Variants in DNM3 observed in about 807,000 individuals in gnomAD.
DNM3 encodes dynamin-3.
In DNM3, 47 loss-of-function variants were observed where a neutral mutation model predicts 101.6. The observed-to-expected ratio is 0.46, with a 90% confidence interval of 0.37 to 0.59. The LOEUF (loss-of-function observed/expected upper bound fraction) is 0.59, where lower values mean the gene tolerates loss of function less well. Ranked by LOEUF, DNM3 falls within the 20% of genes least tolerant of loss-of-function variation. The probability of loss-of-function intolerance (pLI) is 0.00; values close to 1 mark genes in which losing one functional copy is unlikely to be tolerated. For synonymous variants in DNM3, 385 were observed against 387.9 expected (o/e 0.99, Z 0.09); for missense variants, 849 against 1,085.7 (o/e 0.78, Z 3.06).
chr1:172,201,922 G>A (rs2060167935), intron 14 of DNM3, among the ~76,000 whole-genome samples: 1 of 152,170 alleles, frequency 6.6e-6, no homozygotes, highest in African/African-American at 2.4e-5. Flanking sequence ...CCAATTTCTA[G>A]TTGCCTTGGA....
chr1:172,409,873 T>C lies in DNM3; in HGVS notation c.*2032T>C, dbSNP rs373735656. ...TTGCTGTATTTCAAAATTTTCCTTCTGTTAAAGGAAAATATTGTGAATAAC... is the reference window on the plus strand; with the variant it reads ...TTGCTGTATTTCAAAATTTTCCTTCCGTTAAAGGAAAATATTGTGAATAAC... On this transcript the variant is annotated 3_prime_UTR_variant, in exon 21 of 21. Coordinates refer to ENST00000627582, the MANE Select transcript of DNM3 (RefSeq NM_015569.5). 1.0e-6 allele frequency: 1 copy of C among 985,800 alleles called. No homozygotes were observed. 61.1% of individuals were successfully genotyped at this position (985,800 alleles called of 1,614,324 possible).
intron 11 of DNM3, among the ~76,000 whole-genome samples, chr1:172,073,868 C>T (rs2052419099): frequency 6.6e-6 from 1 of 152,176 alleles, no homozygotes; most frequent in Admixed American, 6.5e-5. Context: ...TTTTGAATAT[C>T]TCTGGTATAA....
At chr1:172,377,081 A>T (rs1205809212) in intron 17 of DNM3, among the ~76,000 whole-genome samples, 1 of 151,934 alleles carries the variant, frequency 6.6e-6, no homozygotes, top group Non-Finnish European at 1.5e-5. Flanking sequence ...CCTTTAGCTC[A>T]ATTATTTATT....
At chr1:171,997,664 C>A (rs954440529) in intron 4 of DNM3, among the ~76,000 whole-genome samples, 3 of 152,116 alleles carry the variant, frequency 2.0e-5, no homozygotes, top group Non-Finnish European at 2.9e-5. Flanking sequence ...TAATTTGTTG[C>A]TTAAAAGACA....
At chr1:172,208,049 G>T (rs1480040290) in intron 14 of DNM3, among the ~76,000 whole-genome samples, 1 of 151,844 alleles carries the variant, frequency 6.6e-6, no homozygotes, top group African/African-American at 2.4e-5. Context: ...ATCCTTGCTT[G>T]TCCAAAGAGT....
intron 1 of DNM3, among the ~76,000 whole-genome samples, chr1:171,878,678 T>C (rs2035994899): frequency 6.6e-6 from 1 of 152,130 alleles, no homozygotes; most frequent in African/African-American, 2.4e-5. Context: ...TATTTTCTTT[T>C]ATATCATATT....
chr1:172,100,474 A>C (rs952083630), intron 13 of DNM3, among the ~76,000 whole-genome samples: 2 of 152,162 alleles, frequency 1.3e-5, no homozygotes, highest in Admixed American at 1.3e-4. Flanking sequence ...TGACAGTTTA[A>C]TCAGTTCTTT....
chr1:171,925,432 AT>A (rs2040493761), intron 2 of DNM3, among the ~76,000 whole-genome samples: 1 of 151,156 alleles, frequency 6.6e-6, no homozygotes, highest in Admixed American at 6.6e-5. Flanking sequence ...GGGTTTCATC[AT>A]GTTAGCCAGG....
intron 4 of DNM3, among the ~76,000 whole-genome samples, chr1:172,023,628 G>T (rs2047992746): frequency 1.3e-5 from 2 of 151,932 alleles, no homozygotes; most frequent in Admixed American, 1.3e-4. Context: ...TTACTGATAT[G>T]CCATTTTGTG....
intron 1 of DNM3, among the ~76,000 whole-genome samples, chr1:171,855,095 C>G (rs2033454109): frequency 1.3e-5 from 2 of 152,100 alleles, no homozygotes; most frequent in African/African-American, 4.8e-5. Flanking sequence ...GAATTCTCAT[C>G]ATTTAGCTCC....
At chr1:172,193,833 T>A (rs1248819898) in intron 14 of DNM3, among the ~76,000 whole-genome samples, 1 of 152,184 alleles carries the variant, frequency 6.6e-6, no homozygotes, top group Non-Finnish European at 1.5e-5. Context: ...ATTGATTTTT[T>A]GAAGAATTTT....
rs974411897 is a variant in DNM3 at position 172,411,406 on chromosome 1, G to A, written c.*3565G>A. The stretch of plus-strand genomic sequence containing the variant: ...GGAATTACCTTTGACAATATTTTTC[G>A]GTAAGAAGTAAAACCTCTGGAGACC... On this transcript the variant is annotated 3_prime_UTR_variant, in exon 21 of 21. Transcript: ENST00000627582. The A allele has an allele frequency of 2.6e-4, 253 of 984,752 alleles. No individual in the cohort carries two copies. Among genetic ancestry groups the A allele is most frequent in the Non-Finnish European group, 2.8e-4 (236 of 829,608 alleles). 61.0% of individuals were successfully genotyped at this position (984,752 alleles called of 1,614,324 possible). A position where few individuals can be genotyped will look rare whatever the true frequency, so the allele number is the denominator to read the frequency against.
At chr1:172,222,532 G>A (rs2060946095) in intron 14 of DNM3, among the ~76,000 whole-genome samples, 1 of 152,138 alleles carries the variant, frequency 6.6e-6, no homozygotes, top group African/African-American at 2.4e-5. Flanking sequence ...AAAGAGAAAG[G>A]TTAGCAAGAG....
chr1:172,163,801 C>A (rs1373769086), intron 14 of DNM3, among the ~76,000 whole-genome samples: 1 of 152,022 alleles, frequency 6.6e-6, no homozygotes, highest in Non-Finnish European at 1.5e-5. Flanking sequence ...CGCATGGTCA[C>A]AAATGGCAAG....
intron 15 of DNM3, chr1:172,290,180 A>G (rs999303725): frequency 8.9e-5 from 19 of 212,580 alleles, no homozygotes; most frequent in African/African-American, 3.5e-4. Flanking sequence ...AGCTCCATCA[A>G]TGGACTTGTG....
rs1558381735 is a variant in DNM3, at chr1:171,988,943, A to G, written c.386-2A>G. 3 of 1,580,682 alleles carry G rather than the reference A, an allele frequency of 1.9e-6. No individual in the cohort carries two copies. Among genetic ancestry groups the G allele is most frequent in the East Asian group, 2.3e-5 (1 of 43,688 alleles). On this transcript the variant is annotated splice_acceptor_variant, in intron 3 of 20. Coordinates refer to ENST00000627582, the MANE Select transcript of DNM3 (RefSeq NM_015569.5). LOFTEE classifies it high-confidence loss of function. Reference sequence around the variant, plus strand: ...TAAGACTCCTTTATCCTTTCCACACAGTGTTAAATCTAACCCTTATTGATC... The same window carrying G: ...TAAGACTCCTTTATCCTTTCCACACGGTGTTAAATCTAACCCTTATTGATC...
At chr1:172,413,453 T>G (rs193110366), downstream of DNM3, among the ~76,000 whole-genome samples, 14 of 152,282 alleles carry the variant, frequency 9.2e-5, no homozygotes, top group Admixed American at 3.3e-4. Context: ...GGTCTCGATC[T>G]CTTGACCTCG....
At chr1:172,177,251 C>T (rs1340442296) in intron 14 of DNM3, among the ~76,000 whole-genome samples, 2 of 151,448 alleles carry the variant, frequency 1.3e-5, no homozygotes, top group Non-Finnish European at 2.9e-5. Context: ...GAGTGTTGTA[C>T]AAGAATAGAG....
chr1:172,212,904 T>C (rs2060561888), intron 14 of DNM3, among the ~76,000 whole-genome samples: 1 of 152,130 alleles, frequency 6.6e-6, no homozygotes, highest in Non-Finnish European at 1.5e-5. Context: ...TGTGAAATCA[T>C]GGTCTTTTAG....
Sources: gnomAD v4.1 joint callset for allele counts (sites outside exome capture counted in the v4.1 genomes callset) on GRCh38, gnomAD v4.1.1 for gene constraint, MANE v1.5 for transcripts, NCBI Gene and HGNC (gene_info 2026-07-23, HGNC 2026-07-21) for gene names.